METTL9: variants seen among roughly 807,000 people sequenced by gnomAD.
METTL9 encodes the protein methyltransferase 9, His-X-His N1(pi)-histidine.
Under a neutral mutation model 36.0 loss-of-function variants are expected in METTL9, and 10 were observed. The ratio of observed to expected loss-of-function variants is 0.28; its 90% CI spans 0.17 to 0.47. The LOEUF is 0.47. Ranked by LOEUF, METTL9 falls within the 20% of genes least tolerant of loss-of-function variation. The probability of loss-of-function intolerance (pLI) is 0.99; values close to 1 mark genes in which losing one functional copy is unlikely to be tolerated. For missense variants in METTL9, 246 were observed against 383.5 expected, an observed-to-expected ratio of 0.64 and a Z score of 3.00; for synonymous variants, 175 against 149.7, an observed-to-expected ratio of 1.17 and a Z score of -1.23.
upstream of METTL9, chr16:21,598,062 G>A (rs1400055498): frequency 6.6e-6 from 1 of 152,280 alleles, no homozygotes; most frequent in Non-Finnish European, 1.5e-5. Flanking sequence ...TAATGAAAGA[G>A]CTGTTGGGCC....
At chr16:21,625,274 T>A in intron 4 of METTL9, 159 bp downstream of exon 4, 1 of 776,786 alleles carries the variant, frequency 1.3e-6, no homozygotes, top group Non-Finnish European at 2.1e-6. Context: ...TCTTGGTTAA[T>A]GTTCACCTTA....
At chr16:21,645,611 A>G (rs1597785166) in intron 4 of METTL9, among the ~76,000 whole-genome samples, 2 of 152,258 alleles carry the variant, frequency 1.3e-5, no homozygotes, top group African/African-American at 4.8e-5. Context: ...TAGAAGAGAC[A>G]GGAAGTTGCC....
chr16:21,599,902 C>T lies in METTL9; in HGVS notation c.165+4C>T, dbSNP rs771308657. On this transcript the variant is annotated splice_donor_region_variant and intron_variant, in intron 1 of 4. Coordinates refer to ENST00000358154, the MANE Select transcript of METTL9 (RefSeq NM_016025.5). The surrounding 1 kb of genome is among the most constrained non-coding windows in gnomAD (Gnocchi z 4.4). Reference sequence around the variant, plus strand: ...CGGCAGGAAGGAGAACCACCAGGTACGGGCTGGGGCCGGGGCCGGGGCGGG... The same window carrying T: ...CGGCAGGAAGGAGAACCACCAGGTATGGGCTGGGGCCGGGGCCGGGGCGGG... The T allele has an allele frequency of 3.5e-6, 5 of 1,414,168 alleles. No homozygotes were observed. Among genetic ancestry groups the T allele is most frequent in the East Asian group, 3.2e-5 (1 of 31,684 alleles). The allele number at this position is 1,414,168 out of a possible 1,614,324, so 87.6% of individuals were successfully genotyped here. A position where few individuals can be genotyped will look rare whatever the true frequency, so the allele number is the denominator to read the frequency against.
At chr16:21,600,341 G>C (rs1330817448) in intron 1 of METTL9, among the ~76,000 whole-genome samples, 4 of 152,154 alleles carry the variant, frequency 2.6e-5, no homozygotes, top group Non-Finnish European at 5.9e-5. Context: ...CCCTCTTGTT[G>C]TCTCGTTGAA....
intron 4 of METTL9, among the ~76,000 whole-genome samples, chr16:21,651,494 G>T (rs1007323285): frequency 6.6e-6 from 1 of 151,742 alleles, no homozygotes; most frequent in African/African-American, 2.4e-5. Flanking sequence ...AGAAATGGGG[G>T]TCTCATTATG....
chr16:21,597,316 T>C (rs557723333), upstream of METTL9: 50 of 1,286,874 alleles, frequency 3.9e-5, no homozygotes, highest in Middle Eastern at 8.5e-4. Flanking sequence ...CTATTGAATT[T>C]ACTCTGCTAC....
In METTL9 at chr16:21,655,470, C is replaced by T. The variant is rs757184499; in HGVS notation, c.*38C>T. 1.6e-5 allele frequency: 25 copies of T among 1,548,724 alleles called. No individual in the cohort carries two copies. The highest frequency in any genetic ancestry group is 1.8e-4 in the Middle Eastern group (1 of 5,592). ...CGAAGTCTTCAGAGTCCGCACCCTC[C>T]GGGATGTGCCCTTGGAAGAGGGTCT... On this transcript the variant is annotated 3_prime_UTR_variant, in exon 5 of 5. Coordinates refer to ENST00000358154, the MANE Select transcript of METTL9 (RefSeq NM_016025.5).
upstream of METTL9, chr16:21,599,394 G>T: frequency 9.3e-7 from 1 of 1,074,358 alleles, no homozygotes; most frequent in Non-Finnish European, 1.1e-6. The surrounding 1 kb of genome is among the most constrained non-coding windows in gnomAD (Gnocchi z 4.4). Context: ...ACGCGCTCCG[G>T]GCGGATGCGC....
At chr16:21,607,886 C>T (rs1201703520) in intron 1 of METTL9, among the ~76,000 whole-genome samples, 3 of 152,108 alleles carry the variant, frequency 2.0e-5, no homozygotes, top group Non-Finnish European at 2.9e-5. Flanking sequence ...CAGCGGCTCA[C>T]GCCTGTAATC....
chr16:21,620,888 C>T (rs1371079400), intron 3 of METTL9, among the ~76,000 whole-genome samples: 1 of 152,040 alleles, frequency 6.6e-6, no homozygotes, highest in African/African-American at 2.4e-5. Context: ...CTGAATTTTA[C>T]ATTTTTTTCT....
chr16:21,640,641 C>T (rs1462230047), intron 4 of METTL9: 1 of 149,596 alleles, frequency 6.7e-6, no homozygotes, highest in Non-Finnish European at 1.5e-5. Context: ...GTGGTGCGTA[C>T]CTGTAATCCC....
intron 1 of METTL9, among the ~76,000 whole-genome samples, chr16:21,603,016 G>A (rs760244890): frequency 2.0e-5 from 3 of 152,112 alleles, no homozygotes; most frequent in Non-Finnish European, 2.9e-5. Context: ...TGGTCTATGA[G>A]CTCCCTGGCT....
intron 4 of METTL9, among the ~76,000 whole-genome samples, chr16:21,643,952 T>TGGGCAGGTGGAGGG (rs1966348839): frequency 6.6e-6 from 1 of 152,198 alleles, no homozygotes; most frequent in Non-Finnish European, 1.5e-5. Context: ...CTTAAGGCTT[T>TGGGCAGGTGGAGGG]CGTAGATAAC....
At chr16:21,626,882 G>A (rs1274440707) in intron 4 of METTL9, 17 of 888,584 alleles carry the variant, frequency 1.9e-5, no homozygotes, top group Non-Finnish European at 5.4e-6. Flanking sequence ...AAAGAGCAGG[G>A]GGAAGAAACA....
chr16:21,651,127 G>T (rs1167411973), intron 4 of METTL9, among the ~76,000 whole-genome samples: 1 of 152,140 alleles, frequency 6.6e-6, no homozygotes. Flanking sequence ...GGAGGCTGAG[G>T]CAGGAGAATG....
intron 4 of METTL9, among the ~76,000 whole-genome samples, chr16:21,637,951 G>A (rs1458206389): frequency 2.6e-5 from 4 of 152,246 alleles, no homozygotes; most frequent in African/African-American, 9.6e-5. Context: ...TGTTTTTGCA[G>A]CTCGAAGTAA....
At chr16:21,636,001 G>T (rs1018663734) in intron 4 of METTL9, among the ~76,000 whole-genome samples, 1 of 152,102 alleles carries the variant, frequency 6.6e-6, no homozygotes, top group Non-Finnish European at 1.5e-5. Flanking sequence ...GAGAAAAATT[G>T]GATTTAGTGG....
At chr16:21,626,355 C>T (rs757533248) in intron 4 of METTL9, among the ~76,000 whole-genome samples, 2 of 152,084 alleles carry the variant, frequency 1.3e-5, no homozygotes, top group South Asian at 2.1e-4. Context: ...GAATAATGCC[C>T]GTTTCATATA....
intron 3 of METTL9, among the ~76,000 whole-genome samples, chr16:21,622,571 T>A (rs1454383190): frequency 6.6e-6 from 1 of 152,234 alleles, no homozygotes; most frequent in Non-Finnish European, 1.5e-5. Context: ...AGGAAAATTC[T>A]GACAACTTGT....
Sources: gnomAD v4.1 joint callset for allele counts (sites outside exome capture counted in the v4.1 genomes callset) on GRCh38, gnomAD v4.1.1 for gene constraint, Gnocchi (gnomAD v3.1) non-coding constraint, MANE v1.5 for transcripts, NCBI Gene and HGNC (gene_info 2026-07-23, HGNC 2026-07-21) for gene names.